Variants in GLI3 observed in about 807,000 individuals in gnomAD.
The protein encoded by GLI3 is GLI family zinc finger 3.
GLI3 carries 20 observed loss-of-function variants against 100.8 expected under a neutral mutation model. That is an observed-to-expected ratio of 0.20 (90% CI 0.14 to 0.29). The LOEUF is 0.29. Among genes scored for constraint, GLI3 ranks in the 10% least tolerant of loss-of-function variants. GLI3 has a pLI of 1.00. For synonymous variants in GLI3, 938 were observed against 860.5 expected (o/e 1.09, Z -1.58); for missense variants, 2,040 against 2,128.5 (o/e 0.96, Z 0.82).
intron 10 of GLI3, among the ~76,000 whole-genome samples, chr7:41,988,314 T>A (rs1002607533): frequency 6.6e-6 from 1 of 151,900 alleles, no homozygotes; most frequent in Non-Finnish European, 1.5e-5. Context: ...ATGCAAAAAA[T>A]TAGCTGGACA....
chr7:42,237,919 C>CGGGGGCT (rs1170687935), upstream of GLI3: 1 of 144,188 alleles, frequency 6.9e-6, no homozygotes, highest in Non-Finnish European at 1.5e-5. Context: ...GGGCCGGGGT[C>CGGGGGCT]GGGGGCTGGG....
intron 2 of GLI3, among the ~76,000 whole-genome samples, chr7:42,182,662 A>ATATATATATATATACGTGTG (rs1554337069): frequency 3.9e-5 from 3 of 76,714 alleles, no homozygotes; most frequent in African/African-American, 2.0e-4. Flanking sequence ...ATATATATAT[A>ATATATATATATATACGTGTG]TATATATATA....
chr7:42,124,073 T>A (rs1230578064), intron 3 of GLI3, among the ~76,000 whole-genome samples: 2 of 152,176 alleles, frequency 1.3e-5, no homozygotes, highest in Non-Finnish European at 2.9e-5. Flanking sequence ...CACTGTCTTG[T>A]CTTGCCTTCC....
intron 4 of GLI3, among the ~76,000 whole-genome samples, chr7:42,056,732 C>T (rs531633093): frequency 1.3e-5 from 2 of 151,772 alleles, no homozygotes; most frequent in South Asian, 4.2e-4. Flanking sequence ...GGGTGGATCA[C>T]CTGAGGTGGA....
chr7:41,964,563 T>A lies in GLI3; in HGVS notation c.4510A>T (p.Ile1504Phe). The A allele has an allele frequency of 6.2e-7, 1 of 1,614,018 alleles. No individual in the cohort carries two copies. The highest frequency in any genetic ancestry group is 8.5e-7 in the Non-Finnish European group (1 of 1,179,890). The change falls in exon 15 of 15, where the codon ATT (isoleucine) becomes TTT (phenylalanine). Residue 1504 changes from isoleucine to phenylalanine, a missense_variant. Coordinates refer to ENST00000395925, the MANE Select transcript of GLI3 (RefSeq NM_000168.6). ...TCGTCTATGATGGCATCGAAGTCAA[T>A]CTGTACCCCTTCCAGGTCATGGCTG... ...LDSHDLEGVQ[I>F]DFDAIIDDGD... is the part of the protein sequence containing the mutation.
At chr7:42,228,609 A>G (rs1228212030) in intron 1 of GLI3, among the ~76,000 whole-genome samples, 1 of 152,204 alleles carries the variant, frequency 6.6e-6, no homozygotes, top group Non-Finnish European at 1.5e-5. Context: ...TAACTGGCTG[A>G]ATTCAGGGAG....
At chr7:42,241,275 A>G (rs905246777), upstream of GLI3, among the ~76,000 whole-genome samples, 1 of 152,202 alleles carries the variant, frequency 6.6e-6, no homozygotes, top group East Asian at 1.9e-4. Flanking sequence ...TTCATAATCA[A>G]TCTGAGAGTT....
At chr7:42,174,005 G>C (rs1288244235) in intron 2 of GLI3, among the ~76,000 whole-genome samples, 2 of 152,044 alleles carry the variant, frequency 1.3e-5, no homozygotes, top group African/African-American at 4.8e-5. Flanking sequence ...TTTTCCAAAA[G>C]GCCAAAAGGC....
chr7:42,197,278 T>C (rs1408779155), intron 2 of GLI3, among the ~76,000 whole-genome samples: 1 of 152,222 alleles, frequency 6.6e-6, no homozygotes, highest in Non-Finnish European at 1.5e-5. Flanking sequence ...AGTAATGACA[T>C]AAAAATCACT....
At chr7:41,977,281 T>C (rs1414381629) in intron 12 of GLI3, among the ~76,000 whole-genome samples, 1 of 152,228 alleles carries the variant, frequency 6.6e-6, no homozygotes, top group East Asian at 1.9e-4. Context: ...ATGCTCCCAC[T>C]GTTTGACCAG....
intron 1 of GLI3, among the ~76,000 whole-genome samples, chr7:42,253,535 C>T (rs1396980894): frequency 6.6e-6 from 1 of 152,210 alleles, no homozygotes; most frequent in East Asian, 1.9e-4. Flanking sequence ...ATCTGTGACT[C>T]ATTCATGGCT....
At chr7:42,204,830 G>T (rs145913887) in intron 2 of GLI3, among the ~76,000 whole-genome samples, 1 of 152,058 alleles carries the variant, frequency 6.6e-6, no homozygotes, top group Non-Finnish European at 1.5e-5. Flanking sequence ...TTGTATGCAC[G>T]ACTTCCCCGA....
intron 2 of GLI3, among the ~76,000 whole-genome samples, chr7:42,186,950 C>G (rs969414596): frequency 6.6e-6 from 1 of 151,960 alleles, no homozygotes; most frequent in African/African-American, 2.4e-5. Context: ...GTGGCTATGC[C>G]TATAATCCCA....
At chr7:42,056,146 T>G (rs1216749213) in intron 4 of GLI3, among the ~76,000 whole-genome samples, 4 of 152,204 alleles carry the variant, frequency 2.6e-5, no homozygotes, top group African/African-American at 9.7e-5. Context: ...TTCTTTCTTT[T>G]GTAAATTGCC....
At chr7:41,987,011 G>A (rs1041909435) in intron 10 of GLI3, among the ~76,000 whole-genome samples, 2 of 151,782 alleles carry the variant, frequency 1.3e-5, no homozygotes, top group Admixed American at 1.3e-4. Context: ...CAGACTGACT[G>A]GGGTAGGGCC....
chr7:41,991,045 TA>T (rs1479833634), intron 10 of GLI3, among the ~76,000 whole-genome samples: 1 of 152,204 alleles, frequency 6.6e-6, no homozygotes, highest in Admixed American at 6.5e-5. Flanking sequence ...ATTCATTCAC[TA>T]TTCACTCAAA....
upstream of GLI3, among the ~76,000 whole-genome samples, chr7:42,242,294 C>T (rs761503957): frequency 6.6e-6 from 1 of 152,228 alleles, no homozygotes; most frequent in East Asian, 1.9e-4. Flanking sequence ...GCCACAGTCG[C>T]TACCACTCCC....
chr7:42,174,435 A>G (rs927988666), intron 2 of GLI3, among the ~76,000 whole-genome samples: 21 of 152,134 alleles, frequency 1.4e-4, no homozygotes, highest in Non-Finnish European at 1.6e-4. Flanking sequence ...AACTGAATTC[A>G]CCTTTCAGCC....
At position 42,025,144 on chromosome 7, in the gene GLI3, T is replaced by G. The variant is rs1583803425; in HGVS notation, c.1356+120A>C. On this transcript the variant is annotated intron_variant, in intron 9 of 14. Transcript: ENST00000395925. ...TGTAGAGTACGGCCAAGGTCAACAA[T>G]GCAGTGGACAAGGAACTGCCGTGAA... 8 of 709,932 alleles carry G rather than the reference T, an allele frequency of 1.1e-5. No homozygotes were observed. In the East Asian group the frequency reaches 2.0e-4, roughly 18 times the overall value. 44.0% of individuals were successfully genotyped at this position (709,932 alleles called of 1,614,324 possible).
Sources: gnomAD v4.1 joint callset for allele counts (sites outside exome capture counted in the v4.1 genomes callset) on GRCh38, gnomAD v4.1.1 for gene constraint, MANE v1.5 for transcripts, NCBI Gene and HGNC (gene_info 2026-07-23, HGNC 2026-07-21) for gene names.